The following QKI variants were observed in gnomAD, a reference collection of about 807,000 sequenced individuals.
QKI encodes the protein KH domain-containing RNA-binding protein QKI.
QKI carries 10 observed loss-of-function variants against 39.0 expected under a neutral mutation model. The ratio of observed to expected loss-of-function variants is 0.26; its 90% CI spans 0.16 to 0.43. The LOEUF (loss-of-function observed/expected upper bound fraction) is 0.43. Among genes scored for constraint, QKI ranks in the 20% least tolerant of loss-of-function variants. The pLI, the probability that QKI is intolerant of heterozygous loss-of-function variation, is 1.00. For missense variants in QKI, 218 were observed against 428.0 expected (o/e 0.51, Z 4.33); for synonymous variants, 204 against 155.4 (o/e 1.31, Z -2.33).
intron 1 of QKI, among the ~76,000 whole-genome samples, chr6:163,441,172 T>G (rs1358624303): frequency 6.6e-6 from 1 of 152,218 alleles, no homozygotes; most frequent in African/African-American, 2.4e-5. Flanking sequence ...TGCCTGTATA[T>G]TTTATTTTCT....
chr6:163,497,503 A>G (rs1778485516), intron 3 of QKI, among the ~76,000 whole-genome samples: 1 of 151,688 alleles, frequency 6.6e-6, no homozygotes, highest in African/African-American at 2.4e-5. Flanking sequence ...TTTTTGGTGC[A>G]GTGTTTTAGT....
Position 163,416,368 on chromosome 6 carries a change from A to G in QKI, c.142+1033A>G, listed in dbSNP as rs544311221. 26 of 162,094 alleles carry G rather than the reference A, an allele frequency of 1.6e-4. No individual in the cohort carries two copies. The South Asian group carries it at 3.3e-3, about 21-fold the overall frequency. 10.0% of individuals were successfully genotyped at this position (162,094 alleles called of 1,614,324 possible). Reference sequence around the variant, plus strand: ...TGTGGGTTTCTGTGGACGCCTAGAGAAAAAAAAGACCACAAAAAAAGTCTG... The same window carrying G: ...TGTGGGTTTCTGTGGACGCCTAGAGGAAAAAAAGACCACAAAAAAAGTCTG... On this transcript the variant is annotated intron_variant, in intron 1 of 7. Transcript: ENST00000361752.
intron 2 of QKI, 26 bp from the exon 3 acceptor site, chr6:163,478,754 T>C: frequency 6.8e-7 from 1 of 1,460,852 alleles, no homozygotes; most frequent in Non-Finnish European, 9.5e-7. Flanking sequence ...GAATAATGTA[T>C]AGTGATCCTT....
intron 4 of QKI, among the ~76,000 whole-genome samples, chr6:163,555,476 A>C (rs1179730860): frequency 1.4e-5 from 2 of 138,490 alleles, no homozygotes; most frequent in African/African-American, 2.7e-5. Flanking sequence ...ACGCCACAGC[A>C]CTGAAGCCTA....
chr6:163,507,774 G>A (rs73246605), intron 3 of QKI, among the ~76,000 whole-genome samples: 3,009 of 152,110 alleles, frequency 0.02, 99 homozygotes, highest in African/African-American at 0.069. Context: ...AAAAAAATTC[G>A]TCAAAATAAT....
In QKI at chr6:163,467,157, A is replaced by G. The variant is rs759503633; in HGVS notation, c.286-11623A>G. ...CTTATGAAAAGGTGCTTAACATCACACACACACACACACACGTGCGTGTAC... is the reference window on the plus strand; with the variant it reads ...CTTATGAAAAGGTGCTTAACATCACGCACACACACACACACGTGCGTGTAC... On this transcript the variant is annotated intron_variant, in intron 2 of 7. Coordinates refer to ENST00000361752, the MANE Select transcript of QKI (RefSeq NM_006775.3). Among the ~76,000 whole-genome samples, 153 of 152,102 alleles carry G rather than the reference A, an allele frequency of 1.0e-3. 1 individual carries two copies. Among genetic ancestry groups the G allele is most frequent in the Middle Eastern group, 3.4e-3 (1 of 294 alleles).
intron 3 of QKI, among the ~76,000 whole-genome samples, chr6:163,498,188 TA>T (rs10650302): frequency 1.0e-3 from 129 of 125,546 alleles, no homozygotes; most frequent in Admixed American, 1.7e-3. Flanking sequence ...GCAGCTGTGG[TA>T]AAAAAAAAAA....
intron 3 of QKI, among the ~76,000 whole-genome samples, chr6:163,500,454 A>G (rs1778691184): frequency 6.6e-6 from 1 of 152,182 alleles, no homozygotes; most frequent in Non-Finnish European, 1.5e-5. Flanking sequence ...CTGAATTTCC[A>G]AAGCACTTGT....
At chr6:163,541,147 A>G (rs986011701) in intron 4 of QKI, among the ~76,000 whole-genome samples, 7 of 152,074 alleles carry the variant, frequency 4.6e-5, no homozygotes, top group Non-Finnish European at 8.8e-5. Flanking sequence ...AGCTGTATCC[A>G]ACAAATAATA....
At chr6:163,476,277 GTTTTTTT>G (rs778589025) in intron 2 of QKI, among the ~76,000 whole-genome samples, 1 of 136,626 alleles carries the variant, frequency 7.3e-6, no homozygotes, top group African/African-American at 2.6e-5. Context: ...ATGTACTAAA[GTTTTTTT>G]TTTTTTTTTT....
At chr6:163,503,649 A>G (rs183646519) in intron 3 of QKI, among the ~76,000 whole-genome samples, 1 of 152,206 alleles carries the variant, frequency 6.6e-6, no homozygotes, top group East Asian at 1.9e-4. Flanking sequence ...CCCAAGGCTG[A>G]TGTCCAGAAT....
At position 163,555,509 on chromosome 6, in the gene QKI, C is replaced by CAAAAAAAA. The variant is rs55958646; in HGVS notation, c.547-6459_547-6452dup. Among the ~76,000 whole-genome samples the CAAAAAAAA allele has an allele frequency of 7.6e-5, 6 of 79,392 alleles. 1 individual carries two copies. The highest frequency in any genetic ancestry group is 9.1e-5 in the Non-Finnish European group (4 of 44,058). The allele number at this position is 79,392 out of a possible 152,430, so 52.1% of individuals were successfully genotyped here. On this transcript the variant is annotated intron_variant, in intron 4 of 7. Transcript: ENST00000361752. ...CTAGCGACAGAGCGAAACTCCAGCT[C>CAAAAAAAA]AAAAAAAAAAAAAAAAAAAAAGCCT...
intron 1 of QKI, among the ~76,000 whole-genome samples, chr6:163,448,808 G>A (rs1790343799): frequency 6.6e-6 from 1 of 151,918 alleles, no homozygotes; most frequent in South Asian, 2.1e-4. Flanking sequence ...TGTACCTTGT[G>A]AACTTGGCCT....
intron 3 of QKI, among the ~76,000 whole-genome samples, chr6:163,518,807 T>G (rs1779981745): frequency 1.3e-5 from 2 of 152,122 alleles, no homozygotes; most frequent in Non-Finnish European, 2.9e-5. Context: ...TCAGCATGAT[T>G]TACAAAGAAA....
intron 1 of QKI, among the ~76,000 whole-genome samples, chr6:163,432,476 C>T (rs2128211488): frequency 6.6e-6 from 1 of 151,778 alleles, no homozygotes; most frequent in South Asian, 2.1e-4. Context: ...TCACTGCATC[C>T]TCTAACTCCT....
intron 2 of QKI, among the ~76,000 whole-genome samples, chr6:163,465,173 C>CATAAT (rs1791642198): frequency 6.6e-6 from 1 of 152,126 alleles, no homozygotes; most frequent in Non-Finnish European, 1.5e-5. Context: ...AGGTATAGAA[C>CATAAT]AGTATGCCAC....
intron 2 of QKI, among the ~76,000 whole-genome samples, chr6:163,473,259 A>C (rs1432564207): frequency 6.6e-6 from 1 of 152,172 alleles, no homozygotes; most frequent in Non-Finnish European, 1.5e-5. Context: ...AAGCTTGTTT[A>C]CATGGGGGAA....
chr6:163,446,725 C>CA (rs1211384282), intron 1 of QKI, among the ~76,000 whole-genome samples: 1 of 152,104 alleles, frequency 6.6e-6, no homozygotes, highest in Non-Finnish European at 1.5e-5. Context: ...AAACAAAAGT[C>CA]AGTTTAAATG....
intron 7 of QKI, chr6:163,567,937 A>C: frequency 4.1e-6 from 4 of 985,370 alleles, no homozygotes; most frequent in Non-Finnish European, 4.8e-6. Flanking sequence ...CATCAGAAAT[A>C]ACATGCCTTT....
Sources: allele counts gnomAD v4.1 joint callset (sites outside exome capture counted in the v4.1 genomes callset), GRCh38; gene constraint gnomAD v4.1.1; transcripts MANE v1.5; gene names NCBI Gene and HGNC (gene_info 2026-07-23, HGNC 2026-07-21).